Variants in FAM20B observed in about 807,000 individuals in gnomAD.
FAM20B encodes the protein glycosaminoglycan xylosylkinase.
FAM20B carries 23 observed loss-of-function variants against 43.8 expected under a neutral mutation model. That is an observed-to-expected ratio of 0.53 (90% CI 0.38 to 0.74). FAM20B has a LOEUF of 0.74. Among genes scored for constraint, FAM20B ranks in the 30% least tolerant of loss-of-function variants. FAM20B has a pLI of 0.00. For synonymous variants in FAM20B, 178 were observed against 192.4 expected, an observed-to-expected ratio of 0.93 and a Z score of 0.62; for missense variants, 440 against 510.5, an observed-to-expected ratio of 0.86 and a Z score of 1.33.
At chr1:179,033,191 C>T (rs1013341522) in intron 1 of FAM20B, among the ~76,000 whole-genome samples, 4 of 152,114 alleles carry the variant, frequency 2.6e-5, no homozygotes, top group African/African-American at 7.2e-5. Flanking sequence ...CTTTATAAAC[C>T]GGACATGTGT....
At chr1:179,034,392 C>G (rs1433883269) in intron 1 of FAM20B, among the ~76,000 whole-genome samples, 2 of 152,006 alleles carry the variant, frequency 1.3e-5, no homozygotes, top group Admixed American at 6.6e-5. Flanking sequence ...CTTTCTCTCT[C>G]TCTCTCTCTC....
At position 179,041,191 on chromosome 1, in the gene FAM20B, G is replaced by T. The variant is rs571338631; in HGVS notation, c.-133-2524G>T. On this transcript the variant is annotated intron_variant, in intron 1 of 7. Coordinates refer to ENST00000263733, the MANE Select transcript of FAM20B (RefSeq NM_014864.4). ...TCCAGACTGGGCAGCCAGGCAGAGG[G>T]GCTCCTCACATCCCAGACGATGGGC... is the stretch of plus-strand genomic sequence containing the variant. Among the ~76,000 whole-genome samples, 398 of 149,960 alleles carry T rather than the reference G, an allele frequency of 2.7e-3. 2 individuals carry two copies. The highest frequency in any genetic ancestry group is 9.4e-3 in the African/African-American group (383 of 40,642).
intron 4 of FAM20B, among the ~76,000 whole-genome samples, chr1:179,062,183 T>G (rs1651492626): frequency 6.6e-6 from 1 of 152,188 alleles, no homozygotes; most frequent in Non-Finnish European, 1.5e-5. Context: ...CCTTTTAATG[T>G]GGTACTAAAA....
intron 1 of FAM20B, among the ~76,000 whole-genome samples, chr1:179,030,500 G>C (rs1003130393): frequency 1.3e-5 from 2 of 152,176 alleles, no homozygotes; most frequent in Non-Finnish European, 2.9e-5. Context: ...CTAGGAACCA[G>C]GTTGGCAATA....
rs185130070 is a variant in FAM20B at position 179,032,462 on chromosome 1, G to A, written c.-134+6364G>A. Among the ~76,000 whole-genome samples, 1,029 of 151,902 alleles carry A rather than the reference G, an allele frequency of 6.8e-3. 12 individuals carry two copies. Among genetic ancestry groups the A allele is most frequent in the African/African-American group, 0.024 (981 of 41,428 alleles). On this transcript the variant is annotated intron_variant, in intron 1 of 7. Transcript: ENST00000263733. ...TAACAACCCTGTGAGTTAGGTAATA[G>A]TATTCTTGTTTCATTTTTTTATATG...
chr1:179,059,944 C>G (rs1297537378), intron 4 of FAM20B, among the ~76,000 whole-genome samples: 7 of 151,054 alleles, frequency 4.6e-5, no homozygotes, highest in Non-Finnish European at 8.8e-5. Context: ...TGCACTCCAG[C>G]CTGGGAGACA....
At chr1:179,041,843 A>G (rs909895687) in intron 1 of FAM20B, among the ~76,000 whole-genome samples, 8 of 152,174 alleles carry the variant, frequency 5.3e-5, no homozygotes, top group African/African-American at 1.9e-4. Flanking sequence ...GGTTTGGGAT[A>G]TGCAAAAGTC....
intron 1 of FAM20B, among the ~76,000 whole-genome samples, chr1:179,039,824 A>G (rs112027271): frequency 6.6e-6 from 1 of 151,986 alleles, no homozygotes; most frequent in Non-Finnish European, 1.5e-5. Context: ...AGGGAAGGTC[A>G]GCAGATAAAC....
At chr1:179,054,505 C>T (rs371187774) in intron 3 of FAM20B, 24 bp from the exon 4 acceptor site, 49 of 1,463,262 alleles carry the variant, frequency 3.3e-5, no homozygotes, top group Non-Finnish European at 4.4e-5. Flanking sequence ...TTTTTCTCTT[C>T]TGTTCTTCAA....
intron 4 of FAM20B, among the ~76,000 whole-genome samples, chr1:179,062,425 G>A (rs181019940): frequency 3.9e-5 from 6 of 152,252 alleles, no homozygotes; most frequent in Non-Finnish European, 5.9e-5. Flanking sequence ...GCTGAGGTGG[G>A]TGGATCATGA....
chr1:179,045,226 G>A (rs952058520), intron 2 of FAM20B, among the ~76,000 whole-genome samples: 1 of 152,208 alleles, frequency 6.6e-6, no homozygotes, highest in Non-Finnish European at 1.5e-5. Context: ...TTTTCTGAGT[G>A]TATGAATCTG....
chr1:179,019,047 T>C, the FAM20B span, among the ~76,000 whole-genome samples: 1 of 152,222 alleles, frequency 6.6e-6, no homozygotes, highest in Non-Finnish European at 1.5e-5. Context: ...TACATTTTTG[T>C]TCTGTTTATA....
intron 1 of FAM20B, among the ~76,000 whole-genome samples, chr1:179,037,133 T>C (rs190204031): frequency 2.1e-4 from 32 of 152,248 alleles, no homozygotes; most frequent in Non-Finnish European, 4.3e-4. Context: ...TCAAAGGTGG[T>C]TGAGTGATTT....
chr1:179,049,299 A>G (rs1650903186), intron 2 of FAM20B, among the ~76,000 whole-genome samples: 1 of 152,146 alleles, frequency 6.6e-6, no homozygotes, highest in South Asian at 2.1e-4. Context: ...CAGAGAAGAG[A>G]AAGGTTTTGC....
chr1:179,054,519 TC>T lies in FAM20B; in HGVS notation c.465-8del. The T allele has an allele frequency of 6.3e-7, 1 of 1,583,900 alleles. No homozygotes were observed. Among genetic ancestry groups the T allele is most frequent in the Non-Finnish European group, 8.7e-7 (1 of 1,153,434 alleles). On this transcript the variant is annotated splice_polypyrimidine_tract_variant and intron_variant, in intron 3 of 7. Transcript: ENST00000263733. ...ATTTTTCTCTTCTGTTCTTCAATCTTCCAAACCAGGATTCTGGGTTTCCACC... is the reference window on the plus strand; with the variant it reads ...ATTTTTCTCTTCTGTTCTTCAATCTTCAAACCAGGATTCTGGGTTTCCACC...
Position 179,028,664 on chromosome 1 carries a change from G to T in FAM20B, c.-134+2566G>T, listed in dbSNP as rs189940990. 4.6e-5 allele frequency among the ~76,000 whole-genome samples: 7 copies of T among 152,368 alleles called. No homozygotes were observed. In the East Asian group the frequency reaches 1.4e-3, roughly 29 times the overall value. On this transcript the variant is annotated intron_variant, in intron 1 of 7. Coordinates refer to ENST00000263733, the MANE Select transcript of FAM20B (RefSeq NM_014864.4). ...TTAGTCCTTCTGGGACTAAGTGCCA[G>T]GTGGTTTTGTGGATTGGGATGGGGA... is the stretch of plus-strand genomic sequence containing the variant.
intron 1 of FAM20B, 107 bp from the exon 2 acceptor site, chr1:179,043,608 G>T: frequency 2.3e-6 from 1 of 435,484 alleles, no homozygotes; most frequent in East Asian, 3.6e-5. Flanking sequence ...TTGAGCTCAA[G>T]AATAGAAAGC....
chr1:179,035,470 T>C, intron 1 of FAM20B: 1 of 702,512 alleles, frequency 1.4e-6, no homozygotes, highest in Admixed American at 1.8e-5. Flanking sequence ...GGGAAGCACA[T>C]AGGCATTGAA....
At chr1:179,049,859 C>T (rs772456226) in intron 2 of FAM20B, among the ~76,000 whole-genome samples, 9 of 152,102 alleles carry the variant, frequency 5.9e-5, no homozygotes, top group Non-Finnish European at 1.2e-4. Flanking sequence ...GTTTTAATTA[C>T]ACATTTTTCT....
Sources: allele counts gnomAD v4.1 joint callset (sites outside exome capture counted in the v4.1 genomes callset), GRCh38; gene constraint gnomAD v4.1.1; transcripts MANE v1.5; gene names NCBI Gene and HGNC (gene_info 2026-07-23, HGNC 2026-07-21).